The following MTHFD1L variants were observed in gnomAD, a reference collection of about 807,000 sequenced individuals.
MTHFD1L encodes the protein monofunctional C1-tetrahydrofolate synthase, mitochondrial.
Under a neutral mutation model 119.5 loss-of-function variants are expected in MTHFD1L, and 81 were observed. The ratio of observed to expected loss-of-function variants is 0.68; its 90% CI spans 0.57 to 0.82. The LOEUF (loss-of-function observed/expected upper bound fraction) is 0.82, where lower values mean the gene tolerates loss of function less well. MTHFD1L is among the 40% of genes least tolerant of loss of function. The pLI is 0.00. For missense variants in MTHFD1L, 1,125 were observed against 1,253.4 expected, an observed-to-expected ratio of 0.90 and a Z score of 1.55; for synonymous variants, 430 against 475.2, an observed-to-expected ratio of 0.90 and a Z score of 1.24.
chr6:151,052,862 G>A (rs1198897560), intron 26 of MTHFD1L, among the ~76,000 whole-genome samples: 1 of 152,170 alleles, frequency 6.6e-6, no homozygotes, highest in East Asian at 1.9e-4. Flanking sequence ...CCAGCCCCAG[G>A]ATGGATCTTG....
intron 20 of MTHFD1L, among the ~76,000 whole-genome samples, chr6:151,005,699 A>G (rs1157740000): frequency 1.3e-5 from 2 of 152,292 alleles, no homozygotes; most frequent in Non-Finnish European, 2.9e-5. Context: ...AATTGAACCC[A>G]GGAGACGGAG....
chr6:150,990,550 C>T (rs894965098), intron 20 of MTHFD1L, among the ~76,000 whole-genome samples: 2 of 152,104 alleles, frequency 1.3e-5, no homozygotes, highest in African/African-American at 2.4e-5. Context: ...ACCTCCACCT[C>T]CCAGGTTCAA....
intron 7 of MTHFD1L, among the ~76,000 whole-genome samples, chr6:150,900,527 C>T (rs909128998): frequency 3.3e-5 from 5 of 152,188 alleles, no homozygotes; most frequent in African/African-American, 1.2e-4. Context: ...CCGCATGCTC[C>T]CAGGCCATTC....
intron 20 of MTHFD1L, among the ~76,000 whole-genome samples, chr6:150,991,664 C>T (rs1779083079): frequency 6.6e-6 from 1 of 152,142 alleles, no homozygotes; most frequent in Non-Finnish European, 1.5e-5. Context: ...AGGCATGTGA[C>T]TGTAGCTGAC....
chr6:150,916,268 GT>G (rs1787840036), intron 8 of MTHFD1L, among the ~76,000 whole-genome samples: 1 of 139,496 alleles, frequency 7.2e-6, no homozygotes, highest in Admixed American at 7.2e-5. Context: ...AATTTTCTAA[GT>G]GATGAAGGAA....
At chr6:150,985,555 G>T (rs1300005524) in intron 20 of MTHFD1L, among the ~76,000 whole-genome samples, 2 of 151,720 alleles carry the variant, frequency 1.3e-5, no homozygotes, top group East Asian at 1.9e-4. Context: ...CAGCTACTTG[G>T]GGGGCTGAGG....
At chr6:150,979,238 CA>C (rs1777079351) in intron 20 of MTHFD1L, among the ~76,000 whole-genome samples, 1 of 152,022 alleles carries the variant, frequency 6.6e-6, no homozygotes. Flanking sequence ...AACTCTGTCT[CA>C]AAAAAATAAG....
intron 20 of MTHFD1L, among the ~76,000 whole-genome samples, chr6:150,990,666 T>A (rs1214944391): frequency 2.0e-5 from 3 of 152,054 alleles, no homozygotes; most frequent in African/African-American, 4.8e-5. Flanking sequence ...TTCACCAGGT[T>A]GGCCAGCCTG....
intron 16 of MTHFD1L, among the ~76,000 whole-genome samples, chr6:150,955,495 GTTTT>G (rs142879620): frequency 1.3e-3 from 153 of 117,094 alleles, no homozygotes; most frequent in African/African-American, 2.3e-3. Flanking sequence ...TGCTGGTTGG[GTTTT>G]TTTTTTTTTT....
chr6:151,096,115 C>T (rs909054551), intron 27 of MTHFD1L, among the ~76,000 whole-genome samples: 2 of 152,024 alleles, frequency 1.3e-5, no homozygotes, highest in Admixed American at 6.6e-5. Flanking sequence ...TGGCCCATTC[C>T]GAAAGATGAT....
chr6:150,927,547 C>G (rs1790243024), intron 11 of MTHFD1L, among the ~76,000 whole-genome samples: 1 of 151,098 alleles, frequency 6.6e-6, no homozygotes, highest in African/African-American at 2.4e-5. Flanking sequence ...AACTCTGCCT[C>G]CCGGGTTCAA....
chr6:150,998,995 A>AAAAAAAAAAAATGTATATATAT (rs986639098), intron 20 of MTHFD1L, among the ~76,000 whole-genome samples: 7 of 143,664 alleles, frequency 4.9e-5, no homozygotes, highest in African/African-American at 1.5e-4. Flanking sequence ...GTCTTAAAAA[A>AAAAAAAAAAAATGTATATATAT]ATATATATAC....
intron 26 of MTHFD1L, among the ~76,000 whole-genome samples, chr6:151,061,752 A>G (rs1355850583): frequency 6.6e-6 from 1 of 152,174 alleles, no homozygotes; most frequent in Non-Finnish European, 1.5e-5. Context: ...TTCTAGAGAG[A>G]AAGTCTAACC....
chr6:151,096,328 C>A (rs1794894158), intron 27 of MTHFD1L, among the ~76,000 whole-genome samples: 1 of 152,142 alleles, frequency 6.6e-6, no homozygotes, highest in Non-Finnish European at 1.5e-5. Context: ...CCTCTTTCTT[C>A]TTTGTGAATT....
At chr6:151,070,554 A>G (rs995111423) in intron 26 of MTHFD1L, among the ~76,000 whole-genome samples, 1 of 152,190 alleles carries the variant, frequency 6.6e-6, no homozygotes, top group Non-Finnish European at 1.5e-5. Context: ...GTCAACAAAC[A>G]TTTCCTTAAT....
chr6:150,997,900 C>T (rs1420914308), intron 20 of MTHFD1L, among the ~76,000 whole-genome samples: 1 of 152,184 alleles, frequency 6.6e-6, no homozygotes, highest in African/African-American at 2.4e-5. Flanking sequence ...ATCATTAAAT[C>T]GATCTGCTTG....
At chr6:150,964,716 G>A (rs1346229607) in intron 18 of MTHFD1L, among the ~76,000 whole-genome samples, 1 of 152,156 alleles carries the variant, frequency 6.6e-6, no homozygotes, top group Non-Finnish European at 1.5e-5. Flanking sequence ...CACCATCAAG[G>A]AAGGTTTTGG....
intron 26 of MTHFD1L, among the ~76,000 whole-genome samples, chr6:151,052,121 G>A (rs1789149720): frequency 1.3e-5 from 2 of 152,212 alleles, no homozygotes; most frequent in Admixed American, 6.5e-5. Context: ...AGAGATAAAC[G>A]ACTTCAAACC....
At chr6:151,012,821 G>A (rs1205036304) in intron 21 of MTHFD1L, among the ~76,000 whole-genome samples, 1 of 152,126 alleles carries the variant, frequency 6.6e-6, no homozygotes, top group Admixed American at 6.5e-5. Flanking sequence ...TGAAGACCCA[G>A]GAGAGGCAGT....
Sources: allele counts gnomAD v4.1 joint callset (sites outside exome capture counted in the v4.1 genomes callset), GRCh38; gene constraint gnomAD v4.1.1; transcripts MANE v1.5; gene names NCBI Gene and HGNC (gene_info 2026-07-23, HGNC 2026-07-21).